The following NCAM2 variants were observed in gnomAD, a reference collection of about 807,000 sequenced individuals.
NCAM2 encodes the protein neural cell adhesion molecule 2, also known as N-CAM-2.
In NCAM2, 30 loss-of-function variants were observed where a neutral mutation model predicts 98.1. The ratio of observed to expected loss-of-function variants is 0.31; its 90% CI spans 0.23 to 0.41. The LOEUF (loss-of-function observed/expected upper bound fraction) is 0.41, where lower values mean the gene tolerates loss of function less well. Among genes scored for constraint, NCAM2 ranks in the 10% least tolerant of loss-of-function variants. The pLI is 1.00. For missense variants in NCAM2, 867 were observed against 1,005.8 expected, an observed-to-expected ratio of 0.86 and a Z score of 1.87; for synonymous variants, 368 against 342.4, an observed-to-expected ratio of 1.07 and a Z score of -0.83.
At chr21:21,214,709 A>AATATATATATTCCACATATATAT (rs1568780001) in intron 1 of NCAM2, among the ~76,000 whole-genome samples, 6 of 65,348 alleles carry the variant, frequency 9.2e-5, no homozygotes, top group African/African-American at 2.6e-4. Context: ...AGGGGGAGTA[A>AATATATATATTCCACATATATAT]ATATATATAT....
chr21:21,123,926 A>G (rs1176458163), intron 1 of NCAM2, among the ~76,000 whole-genome samples: 1 of 130,088 alleles, frequency 7.7e-6, no homozygotes, highest in East Asian at 2.3e-4. Context: ...GGCTCACTGC[A>G]AGCTCCACCT....
chr21:21,214,900 G>A (rs1568780682), intron 1 of NCAM2, among the ~76,000 whole-genome samples: 1 of 150,892 alleles, frequency 6.6e-6, no homozygotes, highest in Non-Finnish European at 1.5e-5. Context: ...AAGGAAATTA[G>A]GATTGTCTTA....
chr21:21,510,604 TG>T (rs986596076), intron 16 of NCAM2, among the ~76,000 whole-genome samples: 17 of 144,998 alleles, frequency 1.2e-4, no homozygotes, highest in Middle Eastern at 7.3e-3. Flanking sequence ...AGACACATTT[TG>T]TCTTGGCTTT....
At chr21:21,264,909 C>CACAT (rs1414012125) in intron 1 of NCAM2, among the ~76,000 whole-genome samples, 8 of 120,878 alleles carry the variant, frequency 6.6e-5, no homozygotes, top group African/African-American at 2.4e-4. Flanking sequence ...TATATATATA[C>CACAT]ACATATATTA....
intron 8 of NCAM2, among the ~76,000 whole-genome samples, chr21:21,365,298 A>G (rs192307303): frequency 6.6e-6 from 1 of 150,766 alleles, no homozygotes; most frequent in African/African-American, 2.4e-5. Flanking sequence ...CCTTGGAAAG[A>G]ATCATTGGAA....
At chr21:21,119,110 G>A (rs1174552728) in intron 1 of NCAM2, among the ~76,000 whole-genome samples, 1 of 151,972 alleles carries the variant, frequency 6.6e-6, no homozygotes, top group Admixed American at 6.6e-5. Flanking sequence ...TTTCATTTGG[G>A]AGATCATGAT....
At chr21:21,083,674 C>G (rs2065854179) in intron 1 of NCAM2, among the ~76,000 whole-genome samples, 1 of 152,134 alleles carries the variant, frequency 6.6e-6, no homozygotes, top group African/African-American at 2.4e-5. Flanking sequence ...CCCGGCATCC[C>G]AAATTGCTGG....
chr21:21,204,471 A>T (rs901422559), intron 1 of NCAM2, among the ~76,000 whole-genome samples: 1 of 152,106 alleles, frequency 6.6e-6, no homozygotes, highest in East Asian at 1.9e-4. Context: ...TGGAAGAAAG[A>T]TATTTGTTTT....
rs536820957 is a variant in NCAM2 at position 21,270,473 on chromosome 21, G to T, written c.56-10105G>T. On this transcript the variant is annotated intron_variant, in intron 1 of 17. Transcript: ENST00000400546. ...TTTAAAACAAAAATATGAGACAGGT[G>T]GTCCTATTGCTTACTGGTTTTTGAA... Among the ~76,000 whole-genome samples, 12 of 152,146 alleles carry T rather than the reference G, an allele frequency of 7.9e-5. No individual in the cohort carries two copies. The South Asian group carries it at 2.3e-3, about 29-fold the overall frequency.
chr21:21,240,818 A>C (rs552313523), intron 1 of NCAM2, among the ~76,000 whole-genome samples: 1 of 152,288 alleles, frequency 6.6e-6, no homozygotes, highest in African/African-American at 2.4e-5. Context: ...TCTGTGTTTC[A>C]ATTCTCCTCT....
At chr21:21,351,523 A>T (rs956788115) in intron 8 of NCAM2, among the ~76,000 whole-genome samples, 7 of 152,144 alleles carry the variant, frequency 4.6e-5, no homozygotes, top group Non-Finnish European at 7.4e-5. Flanking sequence ...ATAAGTCAAA[A>T]TTTTGAATTA....
intron 3 of NCAM2, among the ~76,000 whole-genome samples, chr21:21,285,673 CATT>C (rs2147525042): frequency 6.6e-6 from 1 of 151,998 alleles, no homozygotes; most frequent in African/African-American, 2.4e-5. Context: ...CATGTTCACT[CATT>C]CATTCATTCA....
intron 1 of NCAM2, among the ~76,000 whole-genome samples, chr21:21,014,164 A>T (rs9981077): frequency 0.46 from 70,641 of 151,978 alleles, 17,009 homozygotes; most frequent in East Asian, 0.76. Context: ...AATTACGCTA[A>T]GTCGTAATCC....
chr21:21,334,045 C>T (rs1234301039), intron 6 of NCAM2, among the ~76,000 whole-genome samples: 1 of 152,034 alleles, frequency 6.6e-6, no homozygotes, highest in East Asian at 1.9e-4. Flanking sequence ...CAACCTGCCT[C>T]AGCATCCCTT....
chr21:21,424,003 A>G (rs2077165045), intron 11 of NCAM2, among the ~76,000 whole-genome samples: 1 of 152,190 alleles, frequency 6.6e-6, no homozygotes, highest in African/African-American at 2.4e-5. Context: ...TTTGCTCCAT[A>G]ACACTTGAAA....
intron 1 of NCAM2, among the ~76,000 whole-genome samples, chr21:21,123,946 A>G (rs563777727): frequency 4.4e-5 from 6 of 137,786 alleles, no homozygotes; most frequent in African/African-American, 1.6e-4. Flanking sequence ...TTCCGGATTC[A>G]AGACCATTCT....
intron 1 of NCAM2, among the ~76,000 whole-genome samples, chr21:21,152,265 C>T (rs976364224): frequency 1.2e-4 from 18 of 151,870 alleles, no homozygotes; most frequent in Admixed American, 2.6e-4. Flanking sequence ...TTTAAAGTTC[C>T]GTTTTATTTT....
chr21:21,230,328 A>T (rs999963328), intron 1 of NCAM2, among the ~76,000 whole-genome samples: 1 of 151,142 alleles, frequency 6.6e-6, no homozygotes, highest in Non-Finnish European at 1.5e-5. Flanking sequence ...TGAGATTATG[A>T]TGATAAAAGG....
intron 1 of NCAM2, among the ~76,000 whole-genome samples, chr21:21,168,216 G>C (rs1421868878): frequency 6.6e-6 from 1 of 151,772 alleles, no homozygotes; most frequent in Non-Finnish European, 1.5e-5. Context: ...CAGGATCCTA[G>C]ATACAGAAAA....
Sources: allele counts gnomAD v4.1 joint callset (sites outside exome capture counted in the v4.1 genomes callset), GRCh38; gene constraint gnomAD v4.1.1; transcripts MANE v1.5; gene names NCBI Gene and HGNC (gene_info 2026-07-23, HGNC 2026-07-21).